Variants in GRHL2 observed in about 807,000 individuals in gnomAD.
GRHL2 encodes grainyhead like transcription factor 2, also known as grainyhead-like protein 2 homolog.
A neutral mutation model predicts 83.8 loss-of-function variants in GRHL2; 21 were observed. That is an observed-to-expected ratio of 0.25 (90% confidence interval 0.18 to 0.36). The LOEUF (loss-of-function observed/expected upper bound fraction) is 0.36. Among genes scored for constraint, GRHL2 ranks in the 10% least tolerant of loss-of-function variants. The pLI, the probability that GRHL2 is intolerant of heterozygous loss-of-function variation, is 1.00. For synonymous variants in GRHL2, 280 were observed against 278.9 expected (o/e 1.00, Z -0.04); for missense variants, 623 against 781.8 (o/e 0.80, Z 2.42).
chr8:101,516,388 G>A (rs1035912044), intron 1 of GRHL2, among the ~76,000 whole-genome samples: 5 of 149,960 alleles, frequency 3.3e-5, no homozygotes, highest in Non-Finnish European at 5.9e-5. Context: ...CAACTGTACT[G>A]GATTTCTTTT....
intron 7 of GRHL2, among the ~76,000 whole-genome samples, chr8:101,578,229 G>A (rs1009172309): frequency 6.6e-6 from 1 of 152,204 alleles, no homozygotes; most frequent in African/African-American, 2.4e-5. Context: ...TGCAGGGCTG[G>A]AGAATCAAAG....
At chr8:101,679,992 C>A in the GRHL2 span, among the ~76,000 whole-genome samples, 5 of 118,146 alleles carry the variant, frequency 4.2e-5, 1 homozygote, top group African/African-American at 1.8e-4. Flanking sequence ...TAAAGACCAT[C>A]GAGACTAGGA....
chr8:101,594,061 G>T, intron 7 of GRHL2, among the ~76,000 whole-genome samples: 1 of 100,696 alleles, frequency 9.9e-6, no homozygotes, highest in Admixed American at 1.4e-4. Context: ...AAGAGTGAGA[G>T]TCTGTATCAA....
intron 1 of GRHL2, among the ~76,000 whole-genome samples, chr8:101,493,399 C>T (rs1335211149): frequency 6.6e-6 from 1 of 151,802 alleles, no homozygotes; most frequent in African/African-American, 2.4e-5. Context: ...CGGCGCCGTC[C>T]CCCACTCCCT....
intron 4 of GRHL2, among the ~76,000 whole-genome samples, chr8:101,559,353 C>CAAAAAAAAAAAAAAAAAAA (rs34176940): frequency 7.9e-5 from 7 of 88,942 alleles, no homozygotes; most frequent in African/African-American, 2.9e-4. Context: ...ACTAAAAATA[C>CAAAAAAAAAAAAAAAAAAA]AAAAAAAAAA....
chr8:101,625,803 TG>T (rs1044255166), intron 9 of GRHL2, among the ~76,000 whole-genome samples: 11 of 152,064 alleles, frequency 7.2e-5, no homozygotes, highest in Non-Finnish European at 1.3e-4. Context: ...TGGAGAATGT[TG>T]GGTAAATGAT....
downstream of GRHL2, among the ~76,000 whole-genome samples, chr8:101,671,758 C>G (rs1203278984): frequency 2.0e-5 from 3 of 152,228 alleles, no homozygotes; most frequent in African/African-American, 7.2e-5. Context: ...GTCCTTGACC[C>G]CCAAGCAGCC....
chr8:101,541,915 A>G (rs1333297649), intron 1 of GRHL2, among the ~76,000 whole-genome samples: 3 of 151,890 alleles, frequency 2.0e-5, no homozygotes, highest in African/African-American at 7.3e-5. Context: ...CCCCGTATAG[A>G]CTCCCTCACT....
chr8:101,527,348 T>C (rs1044367066), intron 1 of GRHL2, among the ~76,000 whole-genome samples: 2 of 152,200 alleles, frequency 1.3e-5, no homozygotes, highest in African/African-American at 2.4e-5. Context: ...ACATGCTTTT[T>C]ATTTTACCTC....
chr8:101,679,593 CGAGAA>C, the GRHL2 span, among the ~76,000 whole-genome samples: 1 of 150,386 alleles, frequency 6.6e-6, no homozygotes, highest in Non-Finnish European at 1.5e-5. Context: ...AGATACTCCT[CGAGAA>C]GAGCAACTCC....
At chr8:101,548,362 T>A (rs73701926) in intron 2 of GRHL2, among the ~76,000 whole-genome samples, 1 of 151,976 alleles carries the variant, frequency 6.6e-6, no homozygotes, top group African/African-American at 2.4e-5. Context: ...AGGTCAATGC[T>A]CAAAAAGGGG....
intron 6 of GRHL2, 22 bp from the exon 7 acceptor site, chr8:101,577,386 T>G: frequency 6.6e-7 from 1 of 1,508,994 alleles, no homozygotes; most frequent in Non-Finnish European, 9.2e-7. Context: ...AAAAGTAAGC[T>G]CCACGATTCT....
chr8:101,536,589 G>A (rs1285321223), intron 1 of GRHL2, among the ~76,000 whole-genome samples: 7 of 152,196 alleles, frequency 4.6e-5, no homozygotes, highest in African/African-American at 1.7e-4. Context: ...CAGCCAATAA[G>A]TGGTGCAGCC....
At chr8:101,653,296 T>A (rs529946163) in intron 14 of GRHL2, among the ~76,000 whole-genome samples, 1 of 152,310 alleles carries the variant, frequency 6.6e-6, no homozygotes, top group South Asian at 2.1e-4. Flanking sequence ...GAAAAAATGC[T>A]CAGTGAGTAG....
At chr8:101,568,864 ATCT>A (rs1285362602) in intron 4 of GRHL2, among the ~76,000 whole-genome samples, 2 of 152,224 alleles carry the variant, frequency 1.3e-5, no homozygotes, top group African/African-American at 4.8e-5. Context: ...AGGGAAGATA[ATCT>A]TCTTGAATTC....
chr8:101,648,742 G>C (rs1256320041), intron 13 of GRHL2, among the ~76,000 whole-genome samples: 2 of 152,070 alleles, frequency 1.3e-5, no homozygotes, highest in Non-Finnish European at 2.9e-5. Context: ...CCTGGAGTTT[G>C]CTCTCCCTCT....
intron 15 of GRHL2, among the ~76,000 whole-genome samples, chr8:101,666,248 TAG>T (rs948488283): frequency 6.6e-6 from 1 of 152,140 alleles, no homozygotes; most frequent in Non-Finnish European, 1.5e-5. Flanking sequence ...TGAAAAGAGT[TAG>T]AGAGAGAGCC....
intron 9 of GRHL2, among the ~76,000 whole-genome samples, chr8:101,627,478 C>T (rs1813102285): frequency 1.3e-5 from 2 of 152,050 alleles, no homozygotes; most frequent in Admixed American, 1.3e-4. Flanking sequence ...CACCAACCAG[C>T]TGTTCCCTAG....
rs5893579 is a variant in GRHL2 at position 101,647,406 on chromosome 8, C to CT, written c.1613-1999dup. ...TTGGGGGTCAGCCTGCTGGAAATTC[C>CT]TTTTTTTTTCCTGTTGGGGGCTGCA... On this transcript the variant is annotated intron_variant, in intron 13 of 15. Transcript: ENST00000646743. Among the ~76,000 whole-genome samples, 64 of 151,392 alleles carry CT rather than the reference C, an allele frequency of 4.2e-4. No homozygotes were observed. In the South Asian group the frequency reaches 8.1e-3, roughly 19 times the overall value.
Sources: gnomAD v4.1 joint callset for allele counts (sites outside exome capture counted in the v4.1 genomes callset) on GRCh38, gnomAD v4.1.1 for gene constraint, MANE v1.5 for transcripts, NCBI Gene and HGNC (gene_info 2026-07-23, HGNC 2026-07-21) for gene names.